Variants in EXOC2 observed in about 807,000 individuals in gnomAD.
The protein encoded by EXOC2 is SEC5-like 1.
EXOC2 carries 70 observed loss-of-function variants against 131.8 expected under a neutral mutation model. The ratio of observed to expected loss-of-function variants is 0.53; its 90% CI spans 0.44 to 0.65. The LOEUF is 0.65. Ranked by LOEUF, EXOC2 falls within the 30% of genes least tolerant of loss-of-function variation. EXOC2 has a pLI of 0.00. For missense variants in EXOC2, 923 were observed against 1,108.6 expected (o/e 0.83, Z 2.38); for synonymous variants, 411 against 398.4 (o/e 1.03, Z -0.38).
At chr6:692,795 G>A (rs1427984387) in intron 1 of EXOC2, among the ~76,000 whole-genome samples, 1 of 87,726 alleles carries the variant, frequency 1.1e-5, no homozygotes, top group Non-Finnish European at 2.7e-5. Context: ...CGAACTGGCG[G>A]GGGTGGGCGC....
chr6:659,922 G>C (rs1290577604), intron 1 of EXOC2, among the ~76,000 whole-genome samples: 1 of 151,034 alleles, frequency 6.6e-6, no homozygotes, highest in Admixed American at 6.6e-5. Context: ...ACAGAACCCA[G>C]CCTTTTTAGT....
chr6:504,592 A>T (rs1764421897), intron 23 of EXOC2, among the ~76,000 whole-genome samples: 1 of 152,232 alleles, frequency 6.6e-6, no homozygotes, highest in African/African-American at 2.4e-5. Flanking sequence ...TTGAGGTGAC[A>T]GAAAGAACAC....
At chr6:549,121 G>A in intron 22 of EXOC2, 54 bp downstream of exon 22, 1 of 1,466,466 alleles carries the variant, frequency 6.8e-7, no homozygotes, top group Non-Finnish European at 9.5e-7. Flanking sequence ...GAAACAGCTT[G>A]AAAACTGAGC....
intron 20 of EXOC2, 125 bp from the exon 21 acceptor site, chr6:554,045 CT>C (rs11399543): frequency 1.6e-3 from 849 of 527,284 alleles, no homozygotes; most frequent in Non-Finnish European, 1.9e-3. Flanking sequence ...AGTCACATAA[CT>C]TTTTTTTTTT....
At chr6:543,523 A>T (rs1033118759) in intron 22 of EXOC2, among the ~76,000 whole-genome samples, 2 of 152,184 alleles carry the variant, frequency 1.3e-5, no homozygotes, top group Admixed American at 1.3e-4. Flanking sequence ...CACAGTTAAT[A>T]ATAATGTATT....
intron 10 of EXOC2, 123 bp from the exon 11 acceptor site, chr6:592,710 A>G: frequency 1.5e-6 from 1 of 659,496 alleles, no homozygotes; most frequent in South Asian, 2.0e-5. Flanking sequence ...AGTCTTTAAT[A>G]TTTAATTCTC....
At chr6:538,003 C>CATCA (rs1212284478) in intron 22 of EXOC2, among the ~76,000 whole-genome samples, 1 of 152,050 alleles carries the variant, frequency 6.6e-6, no homozygotes, top group Non-Finnish European at 1.5e-5. Flanking sequence ...TGTAAAAAGC[C>CATCA]ATCAATCCAT....
At chr6:681,371 T>C (rs1764394859) in intron 1 of EXOC2, among the ~76,000 whole-genome samples, 1 of 152,178 alleles carries the variant, frequency 6.6e-6, no homozygotes, top group Admixed American at 6.5e-5. Context: ...GGTGAAAAGT[T>C]TGATATTCTA....
rs1347907586 is a variant in EXOC2, at chr6:516,508, C to A, written c.2380+15961G>T. Among the ~76,000 whole-genome samples, 4 of 152,354 alleles carry A rather than the reference C, an allele frequency of 2.6e-5. No homozygotes were observed. The East Asian group carries it at 7.7e-4, about 29-fold the overall frequency. ...GACACCAGAGGCTTCCCTGGCTCTGCAGGGCAGGCCTGAAGCCAAGGGATC... is the reference window on the plus strand; with the variant it reads ...GACACCAGAGGCTTCCCTGGCTCTGAAGGGCAGGCCTGAAGCCAAGGGATC... On this transcript the variant is annotated intron_variant, in intron 23 of 27. Transcript: ENST00000230449.
chr6:600,125 G>A (rs556082084), intron 7 of EXOC2, among the ~76,000 whole-genome samples: 2 of 152,244 alleles, frequency 1.3e-5, no homozygotes, highest in South Asian at 2.1e-4. Flanking sequence ...TGGGTGGCTC[G>A]CATGCAATAT....
At chr6:495,555 C>T (rs775828470) in intron 25 of EXOC2, among the ~76,000 whole-genome samples, 5 of 152,146 alleles carry the variant, frequency 3.3e-5, no homozygotes, top group African/African-American at 9.7e-5. Flanking sequence ...TAACTAGGAT[C>T]GGAATAGCTG....
chr6:590,622 G>A (rs116411373), intron 11 of EXOC2, among the ~76,000 whole-genome samples: 9 of 152,234 alleles, frequency 5.9e-5, no homozygotes, highest in Non-Finnish European at 8.8e-5. Flanking sequence ...CACCAACAGC[G>A]TAAGAGCAAT....
chr6:657,715 A>G (rs866857544), intron 1 of EXOC2, among the ~76,000 whole-genome samples: 8 of 151,604 alleles, frequency 5.3e-5, no homozygotes, highest in South Asian at 4.2e-4. Context: ...CTAGCCCACC[A>G]GCAACACTGG....
intron 11 of EXOC2, among the ~76,000 whole-genome samples, chr6:590,622 G>GT (rs1759488537): frequency 6.6e-6 from 1 of 152,116 alleles, no homozygotes. Context: ...CACCAACAGC[G>GT]TAAGAGCAAT....
chr6:544,885 C>T (rs1258290268), intron 22 of EXOC2, among the ~76,000 whole-genome samples: 3 of 151,978 alleles, frequency 2.0e-5, no homozygotes, highest in Non-Finnish European at 4.4e-5. Flanking sequence ...CGGTGGCTCA[C>T]GCCTGTAATC....
chr6:498,355 A>G (rs1302177975), intron 24 of EXOC2, among the ~76,000 whole-genome samples: 2 of 152,248 alleles, frequency 1.3e-5, no homozygotes, highest in African/African-American at 4.8e-5. Context: ...CAGATCTCAC[A>G]GTTCTGCCCA....
chr6:553,187 G>C (rs112412310), intron 21 of EXOC2, among the ~76,000 whole-genome samples: 67 of 152,240 alleles, frequency 4.4e-4, no homozygotes, highest in African/African-American at 1.6e-3. Flanking sequence ...TAAAGTGCTG[G>C]GATGACAGGC....
In EXOC2 at chr6:495,308, G is replaced by A. The variant is rs1645145658; in HGVS notation, c.2559+2059C>T. The stretch of plus-strand genomic sequence containing the variant: ...GCCCGGCTAATTTTTTGTATTTTTA[G>A]TAGAGACGGGTTTCACCGTGTTAGC... On this transcript the variant is annotated intron_variant, in intron 25 of 27. Coordinates refer to ENST00000230449, the MANE Select transcript of EXOC2 (RefSeq NM_018303.6). 2.0e-5 allele frequency among the ~76,000 whole-genome samples: 3 copies of A among 151,550 alleles called. No homozygotes were observed. The South Asian group carries it at 6.3e-4, about 32-fold the overall frequency.
intron 23 of EXOC2, among the ~76,000 whole-genome samples, chr6:522,239 A>G (rs1388924041): frequency 6.6e-6 from 1 of 152,136 alleles, no homozygotes; most frequent in African/African-American, 2.4e-5. Flanking sequence ...ATGGTACAGC[A>G]AGGTGTCTCC....
Sources: gnomAD v4.1 joint callset for allele counts (sites outside exome capture counted in the v4.1 genomes callset) on GRCh38, gnomAD v4.1.1 for gene constraint, MANE v1.5 for transcripts, NCBI Gene and HGNC (gene_info 2026-07-23, HGNC 2026-07-21) for gene names.